The following INSL6 variants were observed in gnomAD, a reference collection of about 807,000 sequenced individuals.
INSL6 encodes insulin-like peptide INSL6.
A neutral mutation model predicts 9.4 loss-of-function variants in INSL6; 16 were observed. The observed-to-expected ratio is 1.70, with a 90% CI of 1.15 to 2.59. INSL6 has a LOEUF of 2.59. Ranked by LOEUF, INSL6 falls within the 30% of genes most tolerant of loss-of-function variation. The pLI, the probability that INSL6 is intolerant of heterozygous loss-of-function variation, is 0.00. For synonymous variants in INSL6, 154 were observed against 96.9 expected (o/e 1.59, Z -3.46); for missense variants, 391 against 257.3 (o/e 1.52, Z -3.56).
chr9:5,182,811 A>C (rs1825485975), intron 1 of INSL6, among the ~76,000 whole-genome samples: 1 of 152,202 alleles, frequency 6.6e-6, no homozygotes, highest in Admixed American at 6.5e-5. Context: ...TAATTTAGAA[A>C]TATGATGTCA....
the INSL6 span, among the ~76,000 whole-genome samples, chr9:5,032,102 T>A: frequency 6.6e-6 from 1 of 152,114 alleles, no homozygotes; most frequent in Non-Finnish European, 1.5e-5. Flanking sequence ...ATGGCACATA[T>A]CCCGCGCCTG....
At chr9:5,109,777 A>T in the INSL6 span, 1 of 152,212 alleles carries the variant, frequency 6.6e-6, no homozygotes, top group Non-Finnish European at 1.5e-5. Context: ...TACCTGTAGA[A>T]TTCTCAATAT....
At chr9:5,011,075 C>T in the INSL6 span, among the ~76,000 whole-genome samples, 1 of 152,106 alleles carries the variant, frequency 6.6e-6, no homozygotes, top group Admixed American at 6.5e-5. Context: ...AGCAGTTTGG[C>T]TATAATGTGA....
At chr9:5,080,080 C>A in the INSL6 span, 3 of 541,576 alleles carry the variant, frequency 5.5e-6, no homozygotes, top group South Asian at 1.0e-4. Flanking sequence ...TAAGCTTATG[C>A]AGTCATGTGC....
intron 2 of INSL6, among the ~76,000 whole-genome samples, chr9:5,134,992 T>C (rs1824364934): frequency 6.6e-6 from 1 of 152,052 alleles, no homozygotes; most frequent in African/African-American, 2.4e-5. Flanking sequence ...TGGAGGAACA[T>C]TTACCAAGCA....
downstream of INSL6, among the ~76,000 whole-genome samples, chr9:5,162,443 G>A (rs1564048462): frequency 6.6e-6 from 1 of 152,074 alleles, no homozygotes; most frequent in Non-Finnish European, 1.5e-5. Flanking sequence ...TTTCTAATTG[G>A]GACTTTTGTT....
chr9:5,002,502 T>C, the INSL6 span, among the ~76,000 whole-genome samples: 1 of 152,032 alleles, frequency 6.6e-6, no homozygotes, highest in Non-Finnish European at 1.5e-5. Flanking sequence ...ATAATTCATA[T>C]TAATTCAGTC....
chr9:5,091,875 G>A, the INSL6 span, among the ~76,000 whole-genome samples: 12 of 152,198 alleles, frequency 7.9e-5, no homozygotes, highest in South Asian at 8.3e-4. Context: ...TCTATTGCTA[G>A]TAAGAGACCT....
At chr9:5,126,782 G>C (rs927218802) in intron 3 of INSL6, 1 of 1,599,796 alleles carries the variant, frequency 6.3e-7, no homozygotes, top group Non-Finnish European at 8.5e-7. Context: ...GGGATAACAT[G>C]GCTGGATGAA....
chr9:5,028,359 A>G, the INSL6 span, among the ~76,000 whole-genome samples: 5 of 152,320 alleles, frequency 3.3e-5, no homozygotes, highest in East Asian at 1.9e-4. Flanking sequence ...AAACCACGCT[A>G]TATACAGATG....
At chr9:5,137,018 T>C (rs564577760) in intron 2 of INSL6, among the ~76,000 whole-genome samples, 4 of 152,154 alleles carry the variant, frequency 2.6e-5, no homozygotes, top group South Asian at 4.2e-4. Flanking sequence ...CCATTCACAA[T>C]TGCTACAAAG....
At chr9:5,090,325 A>C in the INSL6 span, 1 of 668,434 alleles carries the variant, frequency 1.5e-6, no homozygotes, top group Non-Finnish European at 2.2e-6. Context: ...TTTAATGTAT[A>C]ATAAAGTTTT....
chr9:5,038,020 T>G, the INSL6 span, among the ~76,000 whole-genome samples: 57 of 152,270 alleles, frequency 3.7e-4, 1 homozygote, highest in South Asian at 0.012. Context: ...ATGAACGAGA[T>G]TGCTTGCTTT....
the INSL6 span, among the ~76,000 whole-genome samples, chr9:5,027,286 T>A: frequency 6.6e-6 from 1 of 152,230 alleles, no homozygotes; most frequent in Non-Finnish European, 1.5e-5. Flanking sequence ...ACATGAAGTT[T>A]TAGGTTTCCC....
chr9:5,062,436 TG>T, the INSL6 span, among the ~76,000 whole-genome samples: 2 of 143,010 alleles, frequency 1.4e-5, no homozygotes, highest in African/African-American at 5.4e-5. Context: ...CATATGCTAT[TG>T]GAAAAATTGC....
At chr9:5,085,777 G>T in the INSL6 span, 1 of 754,316 alleles carries the variant, frequency 1.3e-6, no homozygotes, top group Non-Finnish European at 2.5e-6. Flanking sequence ...GAGTTATTAT[G>T]ATGAATATTA....
intron 3 of INSL6, among the ~76,000 whole-genome samples, chr9:5,131,452 T>TTTTTTTTTTC (rs1824281877): frequency 6.7e-6 from 1 of 149,100 alleles, no homozygotes; most frequent in Admixed American, 6.6e-5. Flanking sequence ...TTTTTTTTTT[T>TTTTTTTTTTC]TTGAGACAGA....
chr9:5,148,563 T>C, intron 2 of INSL6, among the ~76,000 whole-genome samples: 1 of 152,154 alleles, frequency 6.6e-6, no homozygotes, highest in Non-Finnish European at 1.5e-5. Context: ...AAATAGGCCA[T>C]ACCCTTACAG....
At chr9:5,095,263 A>G in the INSL6 span, among the ~76,000 whole-genome samples, 2 of 151,550 alleles carry the variant, frequency 1.3e-5, no homozygotes, top group South Asian at 4.2e-4. Context: ...CTCTCTTACT[A>G]TTTTCACAGG....
Sources: gnomAD v4.1 joint callset for allele counts (sites outside exome capture counted in the v4.1 genomes callset) on GRCh38, gnomAD v4.1.1 for gene constraint, MANE v1.5 for transcripts, NCBI Gene and HGNC (gene_info 2026-07-23, HGNC 2026-07-21) for gene names.